WWC2: variants seen among roughly 807,000 people sequenced by gnomAD.
WWC2 encodes WW and C2 domain containing 2.
WWC2 carries 101 observed loss-of-function variants against 138.5 expected under a neutral mutation model. That is an observed-to-expected ratio of 0.73 (90% CI 0.62 to 0.86). The LOEUF (loss-of-function observed/expected upper bound fraction) is 0.86, where lower values mean the gene tolerates loss of function less well. Among genes scored for constraint, WWC2 ranks in the 40% least tolerant of loss-of-function variants. The probability of loss-of-function intolerance (pLI) is 0.00; values close to 1 mark genes in which losing one functional copy is unlikely to be tolerated. For synonymous variants in WWC2, 558 were observed against 538.4 expected (o/e 1.04, Z -0.50); for missense variants, 1,420 against 1,419.4 (o/e 1.00, Z -0.01).
chr4:183,269,225 C>G, intron 15 of WWC2, 62 bp downstream of exon 15: 1 of 1,515,968 alleles, frequency 6.6e-7, no homozygotes, highest in Admixed American at 2.0e-5. Flanking sequence ...TGAGGATATA[C>G]TTTGTAGTTG....
chr4:183,275,110 CTG>C (rs1272945580), intron 16 of WWC2, among the ~76,000 whole-genome samples: 5 of 152,020 alleles, frequency 3.3e-5, no homozygotes, highest in Non-Finnish European at 5.9e-5. Flanking sequence ...CACTGTGGAA[CTG>C]TTTTCTCAGT....
chr4:183,245,386 T>C (rs758137573), intron 5 of WWC2, 30 bp from the exon 6 acceptor site: 17 of 1,481,952 alleles, frequency 1.1e-5, no homozygotes, highest in Non-Finnish European at 1.5e-5. Context: ...CATTCTTTGA[T>C]ATTTTTTCTT....
intron 14 of WWC2, 76 bp downstream of exon 14, chr4:183,266,027 C>A: frequency 7.5e-7 from 1 of 1,336,750 alleles, no homozygotes; most frequent in Non-Finnish European, 1.0e-6. Flanking sequence ...TGTAATCATA[C>A]AGTTCATCAA....
chr4:183,220,012 A>AT lies in WWC2; in HGVS notation c.522+10989dup, dbSNP rs369223134. Among the ~76,000 whole-genome samples, 139 of 152,312 alleles carry AT rather than the reference A, an allele frequency of 9.1e-4. 1 individual carries two copies. Among genetic ancestry groups the AT allele is most frequent in the African/African-American group, 3.1e-3 (130 of 41,580 alleles). On this transcript the variant is annotated intron_variant, in intron 4 of 22. Transcript: ENST00000403733. ...TCTCTGGCTGGTTGTAGGGGAGGAC[A>AT]TTAGATGTCAAAGCATAAGAGGGTT... is the stretch of plus-strand genomic sequence containing the variant.
chr4:183,246,717 G>A (rs566712214), intron 6 of WWC2, among the ~76,000 whole-genome samples: 4 of 152,182 alleles, frequency 2.6e-5, no homozygotes, highest in East Asian at 3.9e-4. Context: ...CTGGTAAGTA[G>A]CAAGACTATG....
At chr4:183,285,244 A>G (rs1284169369) in intron 19 of WWC2, among the ~76,000 whole-genome samples, 1 of 152,146 alleles carries the variant, frequency 6.6e-6, no homozygotes, top group Non-Finnish European at 1.5e-5. Context: ...TTCAGTAAAG[A>G]TTTGAAGCAG....
intron 1 of WWC2, among the ~76,000 whole-genome samples, chr4:183,116,271 C>A (rs1732405879): frequency 6.6e-6 from 1 of 152,114 alleles, no homozygotes; most frequent in African/African-American, 2.4e-5. Context: ...ATGATGATGA[C>A]AAGTACCATA....
chr4:183,320,514 C>G lies in WWC2; in HGVS notation c.*4785C>G, dbSNP rs1739609094. 2 of 386,930 alleles carry G rather than the reference C, an allele frequency of 5.2e-6. No homozygotes were observed. The highest frequency in any genetic ancestry group is 1.1e-4 in the South Asian group (2 of 17,988). 24.0% of individuals were successfully genotyped at this position (386,930 alleles called of 1,614,324 possible). A position where few individuals can be genotyped will look rare whatever the true frequency, so the allele number is the denominator to read the frequency against. On this transcript the variant is annotated 3_prime_UTR_variant, in exon 23 of 23. Coordinates refer to ENST00000403733, the MANE Select transcript of WWC2 (RefSeq NM_024949.6). ...CACTGAAATATAATTAAGTGATAATCTCCTTTCATTGTCAAGGTTAAAATG... is the reference window on the plus strand; with the variant it reads ...CACTGAAATATAATTAAGTGATAATGTCCTTTCATTGTCAAGGTTAAAATG...
chr4:183,195,378 C>A (rs1373208428), intron 2 of WWC2, among the ~76,000 whole-genome samples: 1 of 152,132 alleles, frequency 6.6e-6, no homozygotes, highest in African/African-American at 2.4e-5. Context: ...AAAAGAAATC[C>A]TCTTAGCCTC....
At chr4:183,214,715 G>A (rs377469061) in intron 4 of WWC2, among the ~76,000 whole-genome samples, 39 of 151,962 alleles carry the variant, frequency 2.6e-4, no homozygotes, top group African/African-American at 8.2e-4. Flanking sequence ...TCTCTTGAAC[G>A]TGGGAGGTGG....
chr4:183,128,023 C>T (rs1448145202), intron 1 of WWC2, among the ~76,000 whole-genome samples: 1 of 147,574 alleles, frequency 6.8e-6, no homozygotes, highest in African/African-American at 2.5e-5. Context: ...ACCTGGGCAA[C>T]ATAGTGAGAC....
intron 1 of WWC2, among the ~76,000 whole-genome samples, chr4:183,141,907 G>A (rs1345301300): frequency 1.3e-5 from 2 of 152,220 alleles, no homozygotes; most frequent in Non-Finnish European, 2.9e-5. Context: ...AAAAAGCTTA[G>A]CAGAGACAAG....
chr4:183,266,679 C>A (rs1311932855), intron 14 of WWC2, among the ~76,000 whole-genome samples: 2 of 152,178 alleles, frequency 1.3e-5, no homozygotes, highest in Non-Finnish European at 2.9e-5. Flanking sequence ...GACGTAGAAT[C>A]CGGAATATGC....
rs930996794 is a variant in WWC2 at position 183,208,987 on chromosome 4, G to A, written c.484G>A (p.Asp162Asn). Residue 162 changes from aspartate (D) to asparagine (N), a missense_variant, in exon 4 of 23, where the codon GAT becomes AAT. Asp to Asn is a conservative substitution (Grantham distance 23). Transcript: ENST00000403733. Reference protein sequence around the residue: ...GSSSSTKYDPDILKAEISTTR... With the variant: ...GSSSSTKYDPNILKAEISTTR... ...TTCATCCAGTACTAAATATGATCCC[G>A]ATATTTTAAAAGCTGAGATCTCCAC... 6.4e-6 allele frequency: 10 copies of A among 1,572,272 alleles called. No individual in the cohort carries two copies. Among genetic ancestry groups the A allele is most frequent in the East Asian group, 4.6e-5 (2 of 43,240 alleles).
chr4:183,259,204 C>T (rs1201660674), intron 9 of WWC2, among the ~76,000 whole-genome samples: 2 of 152,046 alleles, frequency 1.3e-5, no homozygotes, highest in Admixed American at 6.5e-5. Flanking sequence ...TTGGAACAAG[C>T]GTTACTAAAT....
chr4:183,309,330 A>C (rs1739134734), intron 21 of WWC2, among the ~76,000 whole-genome samples: 1 of 152,238 alleles, frequency 6.6e-6, no homozygotes, highest in Non-Finnish European at 1.5e-5. Flanking sequence ...TATTTGTAAA[A>C]GTTATGTCTG....
intron 1 of WWC2, among the ~76,000 whole-genome samples, chr4:183,178,135 AGAGT>A (rs1734517862): frequency 6.6e-6 from 1 of 152,216 alleles, no homozygotes; most frequent in Non-Finnish European, 1.5e-5. Context: ...GGCAAGATTA[AGAGT>A]TGAGATATAC....
At chr4:183,308,716 CT>C (rs1739104516) in intron 21 of WWC2, among the ~76,000 whole-genome samples, 1 of 152,060 alleles carries the variant, frequency 6.6e-6, no homozygotes, top group African/African-American at 2.4e-5. Flanking sequence ...CTTATAACAC[CT>C]GTTATAATTT....
chr4:183,281,129 A>C (rs1264071235), intron 17 of WWC2: 1 of 528,402 alleles, frequency 1.9e-6, no homozygotes, highest in African/African-American at 2.0e-5. Flanking sequence ...TGTTTCGAGT[A>C]ATTTTAAAAC....
Sources: gnomAD v4.1 joint callset for allele counts (sites outside exome capture counted in the v4.1 genomes callset) on GRCh38, gnomAD v4.1.1 for gene constraint, MANE v1.5 for transcripts, NCBI Gene and HGNC (gene_info 2026-07-23, HGNC 2026-07-21) for gene names.